The following GPC6 variants were observed in gnomAD, a reference collection of about 807,000 sequenced individuals.
GPC6 encodes the protein glypican-6.
Under a neutral mutation model 55.2 loss-of-function variants are expected in GPC6, and 14 were observed. That is an observed-to-expected ratio of 0.25 (90% CI 0.17 to 0.40). The LOEUF (loss-of-function observed/expected upper bound fraction) is 0.40, where lower values mean the gene tolerates loss of function less well. Among genes scored for constraint, GPC6 ranks in the 10% least tolerant of loss-of-function variants. GPC6 has a pLI of 1.00. For synonymous variants in GPC6, 278 were observed against 259.6 expected (o/e 1.07, Z -0.68); for missense variants, 641 against 708.5 (o/e 0.90, Z 1.08).
intron 3 of GPC6, among the ~76,000 whole-genome samples, chr13:93,907,149 T>G (rs1250198600): frequency 6.6e-6 from 1 of 152,102 alleles, no homozygotes; most frequent in Non-Finnish European, 1.5e-5. Context: ...ATAAATAAGA[T>G]CTACAATCCT....
chr13:93,388,556 A>C (rs2139214214), intron 1 of GPC6, among the ~76,000 whole-genome samples: 1 of 152,272 alleles, frequency 6.6e-6, no homozygotes, highest in East Asian at 1.9e-4. Context: ...GTCACCAATT[A>C]AGCTGAATAG....
intron 4 of GPC6, among the ~76,000 whole-genome samples, chr13:94,050,221 G>A (rs1883893927): frequency 6.6e-6 from 1 of 152,032 alleles, no homozygotes; most frequent in Non-Finnish European, 1.5e-5. Context: ...AGCAATTCCT[G>A]GAACGTAATA....
At chr13:93,825,965 A>G (rs988595901) in intron 2 of GPC6, among the ~76,000 whole-genome samples, 5 of 145,240 alleles carry the variant, frequency 3.4e-5, no homozygotes, top group African/African-American at 1.3e-4. Context: ...GGTTCAAGTG[A>G]TTCTCCTGCC....
At chr13:93,544,150 A>T (rs1882448189) in intron 1 of GPC6, among the ~76,000 whole-genome samples, 1 of 152,014 alleles carries the variant, frequency 6.6e-6, no homozygotes, top group Non-Finnish European at 1.5e-5. Flanking sequence ...AAAAAAAGAA[A>T]AAAAAATGAC....
intron 3 of GPC6, among the ~76,000 whole-genome samples, chr13:93,847,089 G>GGGATTTGT (rs1888207739): frequency 1.3e-5 from 2 of 152,062 alleles, no homozygotes; most frequent in South Asian, 4.1e-4. Flanking sequence ...TCTAACATAA[G>GGGATTTGT]TAACATAGAC....
intron 6 of GPC6, among the ~76,000 whole-genome samples, chr13:94,361,104 C>T (rs1479609904): frequency 2.0e-5 from 3 of 152,186 alleles, no homozygotes; most frequent in African/African-American, 7.2e-5. Flanking sequence ...TCAACAGCTA[C>T]CTTTCAACAT....
chr13:93,626,190 A>C (rs1377247578), intron 2 of GPC6, among the ~76,000 whole-genome samples: 1 of 152,204 alleles, frequency 6.6e-6, no homozygotes, highest in African/African-American at 2.4e-5. Context: ...ATACACACAC[A>C]TCCTAAAGCA....
chr13:93,305,033 T>C (rs1225377357), intron 1 of GPC6, among the ~76,000 whole-genome samples: 1 of 152,150 alleles, frequency 6.6e-6, no homozygotes, highest in Non-Finnish European at 1.5e-5. Context: ...TACTTTCTGT[T>C]TGAAGTCATG....
chr13:94,110,944 T>C (rs1012979711), intron 4 of GPC6, among the ~76,000 whole-genome samples: 14 of 152,150 alleles, frequency 9.2e-5, no homozygotes, highest in Admixed American at 9.2e-4. Context: ...GCTGACTTGT[T>C]CTCTGGAGCA....
chr13:93,651,500 A>G (rs1056655479), intron 2 of GPC6, among the ~76,000 whole-genome samples: 2 of 152,296 alleles, frequency 1.3e-5, no homozygotes, highest in Non-Finnish European at 1.5e-5. Context: ...AGTTTTCTTC[A>G]TAAGGTGTAA....
intron 3 of GPC6, among the ~76,000 whole-genome samples, chr13:93,916,808 G>A (rs1011616264): frequency 2.2e-4 from 34 of 151,312 alleles, no homozygotes; most frequent in Non-Finnish European, 4.7e-4. Context: ...TGGCATGGGG[G>A]AGGGGAGGGG....
At chr13:94,385,761 A>T (rs1332941450) in intron 7 of GPC6, among the ~76,000 whole-genome samples, 2 of 152,204 alleles carry the variant, frequency 1.3e-5, no homozygotes, top group African/African-American at 4.8e-5. Flanking sequence ...TCCAAATATT[A>T]ATTCATCTAG....
intron 2 of GPC6, among the ~76,000 whole-genome samples, chr13:93,600,835 A>G (rs1877978339): frequency 6.6e-6 from 1 of 151,404 alleles, no homozygotes; most frequent in Non-Finnish European, 1.5e-5. Context: ...CTGTAATCCC[A>G]GCTACTCGGG....
At chr13:93,340,071 G>A (rs1453257915) in intron 1 of GPC6, among the ~76,000 whole-genome samples, 20 of 121,210 alleles carry the variant, frequency 1.7e-4, no homozygotes, top group Non-Finnish European at 2.4e-4. Flanking sequence ...AGTCTTGCTC[G>A]GTCACCCAGG....
At chr13:93,343,584 T>G (rs1189803001) in intron 1 of GPC6, among the ~76,000 whole-genome samples, 2 of 152,178 alleles carry the variant, frequency 1.3e-5, no homozygotes, top group Admixed American at 1.3e-4. Context: ...TTTTGCATCA[T>G]GTTTATTTTA....
chr13:93,293,568 A>G (rs1338543042), intron 1 of GPC6, among the ~76,000 whole-genome samples: 1 of 152,184 alleles, frequency 6.6e-6, no homozygotes, highest in Non-Finnish European at 1.5e-5. Flanking sequence ...TAAAGTAGCT[A>G]ACTCTGCCTT....
Position 93,227,265 on chromosome 13 carries a change from C to A in GPC6, c.-192C>A. ...CAGCCCTTGTTGGCTTGCCATCGTC[C>A]ATCTGGCTTATAAAAGTTTGCTGAG... is the stretch of plus-strand genomic sequence containing the variant. On this transcript the variant is annotated 5_prime_UTR_variant, in exon 1 of 9. Transcript: ENST00000377047. This position sits in a 1 kb window ranked among gnomAD's most constrained non-coding sequence, Gnocchi z 4.3. 1 of 527,194 alleles carries A rather than the reference C, an allele frequency of 1.9e-6. No individual in the cohort carries two copies. The highest frequency in any genetic ancestry group is 3.4e-6 in the Non-Finnish European group (1 of 295,838). 32.7% of individuals were successfully genotyped at this position (527,194 alleles called of 1,614,324 possible).
intron 4 of GPC6, among the ~76,000 whole-genome samples, chr13:94,066,271 A>G (rs556282460): frequency 1.3e-5 from 2 of 152,286 alleles, no homozygotes; most frequent in African/African-American, 2.4e-5. Context: ...TATTCACCCC[A>G]TGCTGTTCAT....
At chr13:93,790,381 C>T (rs960089151) in intron 2 of GPC6, among the ~76,000 whole-genome samples, 10 of 152,166 alleles carry the variant, frequency 6.6e-5, no homozygotes, top group East Asian at 5.8e-4. Context: ...ATTTATTTTA[C>T]AGTTACATGT....
Sources: allele counts gnomAD v4.1 joint callset (sites outside exome capture counted in the v4.1 genomes callset), GRCh38; gene constraint gnomAD v4.1.1; non-coding constraint Gnocchi (gnomAD v3.1); transcripts MANE v1.5; gene names NCBI Gene and HGNC (gene_info 2026-07-23, HGNC 2026-07-21).